Variants in MACC1 observed in about 807,000 individuals in gnomAD.
MACC1 encodes the protein MET transcriptional regulator MACC1, also known as metastasis-associated in colon cancer protein 1.
MACC1 carries 79 observed loss-of-function variants against 70.7 expected under a neutral mutation model. The observed-to-expected ratio is 1.12, with a 90% CI of 0.93 to 1.35. The LOEUF is 1.35. Among genes scored for constraint, MACC1 ranks in the 40% most tolerant of loss-of-function variants. The pLI, the probability that MACC1 is intolerant of heterozygous loss-of-function variation, is 0.00. For missense variants in MACC1, 1,106 were observed against 978.1 expected (o/e 1.13, Z -1.74); for synonymous variants, 361 against 347.2 (o/e 1.04, Z -0.44).
intron 1 of MACC1, among the ~76,000 whole-genome samples, chr7:20,193,884 A>T (rs1782709300): frequency 6.6e-6 from 1 of 150,470 alleles, no homozygotes; most frequent in Non-Finnish European, 1.5e-5. Context: ...TGCCATCTTT[A>T]TTCCCCCGCC....
chr7:20,199,587 T>A (rs1782803820), intron 1 of MACC1, among the ~76,000 whole-genome samples: 1 of 152,150 alleles, frequency 6.6e-6, no homozygotes, highest in Non-Finnish European at 1.5e-5. Flanking sequence ...CAGGAAGGCA[T>A]GCTCTGAAAT....
intron 6 of MACC1, among the ~76,000 whole-genome samples, chr7:20,144,625 A>G (rs1037051584): frequency 3.3e-5 from 5 of 152,160 alleles, no homozygotes; most frequent in African/African-American, 1.2e-4. Context: ...AGAAGAAAGT[A>G]CTTATTTTTT....
At chr7:20,151,559 A>G (rs1021405045) in intron 6 of MACC1, among the ~76,000 whole-genome samples, 1 of 152,212 alleles carries the variant, frequency 6.6e-6, no homozygotes, top group African/African-American at 2.4e-5. Flanking sequence ...GTCGAGTAAC[A>G]TTTCTTAAAA....
At chr7:20,141,925 G>A (rs2128099737) in intron 6 of MACC1, 1 of 142,768 alleles carries the variant, frequency 7.0e-6, no homozygotes, top group East Asian at 2.3e-4. Context: ...ACAAATTGTA[G>A]AATACACACA....
At chr7:20,202,973 C>A (rs910647122) in intron 1 of MACC1, among the ~76,000 whole-genome samples, 2 of 152,088 alleles carry the variant, frequency 1.3e-5, no homozygotes, top group Admixed American at 6.5e-5. Context: ...AAGTATGTAA[C>A]CTTCTTAAAA....
intron 1 of MACC1, among the ~76,000 whole-genome samples, chr7:20,209,490 C>A (rs1175112253): frequency 1.3e-5 from 2 of 152,208 alleles, no homozygotes; most frequent in African/African-American, 4.8e-5. Flanking sequence ...GGGCCTAGAG[C>A]CCCTTTGTTT....
chr7:20,170,038 C>T (rs953826174), intron 2 of MACC1, among the ~76,000 whole-genome samples: 1 of 152,194 alleles, frequency 6.6e-6, no homozygotes, highest in African/African-American at 2.4e-5. Flanking sequence ...TCCTATTCTT[C>T]ACCCTTCATA....
intron 1 of MACC1, among the ~76,000 whole-genome samples, chr7:20,197,002 T>C (rs910427255): frequency 1.3e-5 from 2 of 152,192 alleles, no homozygotes; most frequent in African/African-American, 4.8e-5. Context: ...AAAAATGACA[T>C]ACGATGAAGT....
At chr7:20,178,261 TCACACACA>T (rs71020623) in intron 1 of MACC1, among the ~76,000 whole-genome samples, 17,253 of 98,838 alleles carry the variant, frequency 0.17, 1,151 homozygotes, top group Non-Finnish European at 0.19. Context: ...TAATCTTATT[TCACACACA>T]CACACACACA....
intron 1 of MACC1, among the ~76,000 whole-genome samples, chr7:20,179,443 A>G (rs940310077): frequency 4.6e-5 from 7 of 152,098 alleles, no homozygotes; most frequent in African/African-American, 1.7e-4. Flanking sequence ...TCTCTCCTCA[A>G]TTCTGTGCTC....
chr7:20,179,397 G>T (rs1399154211), intron 1 of MACC1, among the ~76,000 whole-genome samples: 1 of 152,138 alleles, frequency 6.6e-6, no homozygotes, highest in Non-Finnish European at 1.5e-5. Context: ...GGTTTCCAAG[G>T]TCATGTTAAT....
At chr7:20,184,437 C>T (rs1232977321) in intron 1 of MACC1, among the ~76,000 whole-genome samples, 5 of 152,192 alleles carry the variant, frequency 3.3e-5, no homozygotes, top group African/African-American at 1.2e-4. Context: ...ATATCTTCTA[C>T]TCTTATTTCA....
Position 20,160,229 on chromosome 7 carries a change from G to C in MACC1, c.132C>G (p.Asp44Glu), listed in dbSNP as rs747447568. The C allele has an allele frequency of 2.1e-5, 33 of 1,566,980 alleles. No individual in the cohort carries two copies. Among genetic ancestry groups the C allele is most frequent in the Non-Finnish European group, 2.8e-5 (32 of 1,162,464 alleles). Reference sequence around the variant, plus strand: ...AAGCATCCGGCCAATTGTGAAGCAAGTCTGGGTCCTGGCATTCTTGTTATT... The same window carrying C: ...AAGCATCCGGCCAATTGTGAAGCAACTCTGGGTCCTGGCATTCTTGTTATT... ...SCNITECQDP[D>E]LLHNWPDAFT... is the part of the protein sequence containing the mutation. Residue 44 changes from aspartate (D) to glutamate (E), a missense_variant, in exon 5 of 7, where the codon GAC (aspartate) becomes GAG (glutamate). Physicochemically the swap from Asp to Glu is conservative, Grantham distance 45. Transcript: ENST00000400331.
At chr7:20,204,312 G>C (rs982815685) in intron 1 of MACC1, among the ~76,000 whole-genome samples, 4 of 151,858 alleles carry the variant, frequency 2.6e-5, no homozygotes, top group African/African-American at 9.7e-5. Flanking sequence ...CCACCACCAC[G>C]CCCGGCTAAT....
intron 6 of MACC1, among the ~76,000 whole-genome samples, chr7:20,145,762 T>C (rs1384303201): frequency 6.6e-6 from 1 of 152,194 alleles, no homozygotes; most frequent in Non-Finnish European, 1.5e-5. Flanking sequence ...GCAAGTATCA[T>C]GAGAAATCGA....
chr7:20,209,671 T>C (rs1782967654), intron 1 of MACC1, among the ~76,000 whole-genome samples: 1 of 152,158 alleles, frequency 6.6e-6, no homozygotes, highest in Non-Finnish European at 1.5e-5. Context: ...CTGGAATGAG[T>C]TAAGGCTTTG....
intron 1 of MACC1, among the ~76,000 whole-genome samples, chr7:20,193,447 A>G (rs2128107380): frequency 6.6e-6 from 1 of 152,374 alleles, no homozygotes; most frequent in South Asian, 2.1e-4. Flanking sequence ...GGAATTTTGA[A>G]GAAGTGAAAA....
chr7:20,185,756 T>C (rs1782577706), intron 1 of MACC1, among the ~76,000 whole-genome samples: 2 of 152,218 alleles, frequency 1.3e-5, no homozygotes, highest in African/African-American at 4.8e-5. Context: ...TTACTGGTCA[T>C]GCTTTGTGCA....
At chr7:20,205,468 C>T (rs1361268156) in intron 1 of MACC1, among the ~76,000 whole-genome samples, 1 of 152,068 alleles carries the variant, frequency 6.6e-6, no homozygotes, top group African/African-American at 2.4e-5. Context: ...TCTCAATTTC[C>T]TAAAACCACT....
Sources: allele counts gnomAD v4.1 joint callset (sites outside exome capture counted in the v4.1 genomes callset), GRCh38; gene constraint gnomAD v4.1.1; transcripts MANE v1.5; gene names NCBI Gene and HGNC (gene_info 2026-07-23, HGNC 2026-07-21).